The following CDKAL1 variants were observed in gnomAD, a reference collection of about 807,000 sequenced individuals.
CDKAL1 encodes the protein CDKAL1 threonylcarbamoyladenosine tRNA methylthiotransferase, also known as threonylcarbamoyladenosine tRNA methylthiotransferase.
A neutral mutation model predicts 68.2 loss-of-function variants in CDKAL1; 32 were observed. The observed-to-expected ratio is 0.47, with a 90% CI of 0.35 to 0.63. CDKAL1 has a LOEUF of 0.63. Ranked by LOEUF, CDKAL1 falls within the 30% of genes least tolerant of loss-of-function variation. CDKAL1 has a pLI of 0.00. For missense variants in CDKAL1, 606 were observed against 696.7 expected (o/e 0.87, Z 1.47); for synonymous variants, 234 against 244.3 (o/e 0.96, Z 0.39).
At chr6:21,136,773 T>C (rs1775623684) in intron 13 of CDKAL1, among the ~76,000 whole-genome samples, 2 of 152,216 alleles carry the variant, frequency 1.3e-5, no homozygotes, top group Admixed American at 6.5e-5. Context: ...GAGTTTCATA[T>C]TTGCCTTAAA....
At chr6:21,195,477 T>TA (rs552137129) in intron 13 of CDKAL1, among the ~76,000 whole-genome samples, 6 of 118,584 alleles carry the variant, frequency 5.1e-5, no homozygotes, top group Non-Finnish European at 1.1e-4. Flanking sequence ...GAGATGTTTT[T>TA]TTTATTTATT....
In CDKAL1 at chr6:20,600,757, G is replaced by A. The variant is rs187586757; in HGVS notation, c.287-48536G>A. ...TTTAAAAAACCTGGATGGAGAGAGA[G>A]ATATATATGTATACATATATATATA... On this transcript the variant is annotated intron_variant, in intron 4 of 15. Coordinates refer to ENST00000274695, the MANE Select transcript of CDKAL1 (RefSeq NM_017774.3). 6.5e-5 allele frequency among the ~76,000 whole-genome samples: 5 copies of A among 76,914 alleles called. 1 individual carries two copies. In the East Asian group the frequency reaches 2.8e-3, roughly 43 times the overall value. The allele number at this position is 76,914 out of a possible 152,430, so 50.5% of individuals were successfully genotyped here. A position where few individuals can be genotyped will look rare whatever the true frequency, so the allele number is the denominator to read the frequency against.
At chr6:20,608,826 A>T (rs778123435) in intron 4 of CDKAL1, among the ~76,000 whole-genome samples, 3 of 152,182 alleles carry the variant, frequency 2.0e-5, no homozygotes, top group Non-Finnish European at 4.4e-5. Context: ...TATTAAAAAG[A>T]TTTGCATGAT....
chr6:21,081,538 A>G lies in CDKAL1; in HGVS notation c.1236+16310A>G, dbSNP rs139351409. On this transcript the variant is annotated intron_variant, in intron 12 of 15. Transcript: ENST00000274695. ...TAGAAGTGAGTAGACTCTTGGAGTA[A>G]CTTCTAAAGATAAAGAACCTTATAA... 6.4e-3 allele frequency among the ~76,000 whole-genome samples: 978 copies of G among 151,868 alleles called. 14 individuals are homozygous for G. The highest frequency in any genetic ancestry group is 0.022 in the African/African-American group (911 of 41,420).
chr6:21,099,675 G>T (rs1326581688), intron 12 of CDKAL1, among the ~76,000 whole-genome samples: 1 of 152,226 alleles, frequency 6.6e-6, no homozygotes, highest in Non-Finnish European at 1.5e-5. Context: ...AGCAACTCGT[G>T]TTCTTATGGG....
chr6:21,184,357 G>A (rs955283313), intron 13 of CDKAL1, among the ~76,000 whole-genome samples: 1 of 151,934 alleles, frequency 6.6e-6, no homozygotes, highest in East Asian at 1.9e-4. Flanking sequence ...ACCATGCCCG[G>A]CTAATTTTTG....
At chr6:21,005,208 A>G (rs1767657742) in intron 11 of CDKAL1, among the ~76,000 whole-genome samples, 1 of 152,148 alleles carries the variant, frequency 6.6e-6, no homozygotes, top group African/African-American at 2.4e-5. Context: ...GCCTTGAGGC[A>G]TTAGACAATT....
intron 4 of CDKAL1, among the ~76,000 whole-genome samples, chr6:20,633,308 T>C (rs1767755622): frequency 6.6e-6 from 1 of 152,234 alleles, no homozygotes; most frequent in Non-Finnish European, 1.5e-5. Flanking sequence ...CTTTTGTGCC[T>C]GACCTCTTTC....
intron 9 of CDKAL1, among the ~76,000 whole-genome samples, chr6:20,953,264 T>A (rs865980524): frequency 1.3e-5 from 2 of 152,220 alleles, no homozygotes; most frequent in African/African-American, 4.8e-5. Context: ...AGCTGGCTGC[T>A]GTTTCTCTAT....
chr6:21,184,260 C>A (rs1345230828), intron 13 of CDKAL1, among the ~76,000 whole-genome samples: 1 of 150,534 alleles, frequency 6.6e-6, no homozygotes, highest in Non-Finnish European at 1.5e-5. Flanking sequence ...AATGGCACGA[C>A]CTCGGCTTAC....
At chr6:20,802,306 C>CAATAAT (rs1233008970) in intron 8 of CDKAL1, among the ~76,000 whole-genome samples, 13 of 98,436 alleles carry the variant, frequency 1.3e-4, no homozygotes, top group African/African-American at 3.3e-4. Context: ...CAAAAAACAA[C>CAATAAT]AACAACAACA....
chr6:21,129,114 T>C (rs928148284), intron 13 of CDKAL1, among the ~76,000 whole-genome samples: 5 of 152,220 alleles, frequency 3.3e-5, no homozygotes, highest in Non-Finnish European at 7.3e-5. Flanking sequence ...GTTGAAGAGA[T>C]TGGCACAGTG....
At chr6:21,156,424 CA>C (rs372631710) in intron 13 of CDKAL1, among the ~76,000 whole-genome samples, 128 of 85,130 alleles carry the variant, frequency 1.5e-3, no homozygotes, top group Middle Eastern at 5.7e-3. Flanking sequence ...ACCCTGTCTC[CA>C]AAAAAAAAAA....
intron 9 of CDKAL1, among the ~76,000 whole-genome samples, chr6:20,928,271 T>C (rs1397292651): frequency 1.3e-5 from 2 of 152,232 alleles, no homozygotes; most frequent in African/African-American, 2.4e-5. Flanking sequence ...ATTTTGCAAG[T>C]AATTGTTCAA....
At chr6:20,694,173 T>TAAAC (rs199756184) in intron 5 of CDKAL1, among the ~76,000 whole-genome samples, 2,688 of 149,642 alleles carry the variant, frequency 0.018, 65 homozygotes, top group African/African-American at 0.057. Context: ...ACTATCTTTA[T>TAAAC]AAACAAACAA....
chr6:20,556,577 T>A (rs1296008384), intron 4 of CDKAL1, among the ~76,000 whole-genome samples: 1 of 152,216 alleles, frequency 6.6e-6, no homozygotes, highest in African/African-American at 2.4e-5. Context: ...CACATAACTC[T>A]TTAATCTAGC....
intron 4 of CDKAL1, among the ~76,000 whole-genome samples, chr6:20,571,978 A>G (rs1764723080): frequency 6.6e-6 from 1 of 152,110 alleles, no homozygotes; most frequent in South Asian, 2.1e-4. Flanking sequence ...ATTTGAATGG[A>G]GTTAATAAAA....
chr6:21,207,763 A>G (rs945781684), intron 15 of CDKAL1, among the ~76,000 whole-genome samples: 2 of 152,174 alleles, frequency 1.3e-5, no homozygotes, highest in African/African-American at 4.8e-5. Context: ...ATTGACTACT[A>G]TTTTCATTAT....
chr6:20,905,324 T>A (rs1762184154), intron 9 of CDKAL1, among the ~76,000 whole-genome samples: 1 of 152,092 alleles, frequency 6.6e-6, no homozygotes. Flanking sequence ...ACTAGAGAGA[T>A]TCAAAGACAA....
Sources: allele counts gnomAD v4.1 joint callset (sites outside exome capture counted in the v4.1 genomes callset), GRCh38; gene constraint gnomAD v4.1.1; transcripts MANE v1.5; gene names NCBI Gene and HGNC (gene_info 2026-07-23, HGNC 2026-07-21).